Variants in ARID2 observed in about 807,000 individuals in gnomAD.
ARID2 encodes AT-rich interaction domain 2, also known as AT-rich interactive domain-containing protein 2.
A neutral mutation model predicts 184.6 loss-of-function variants in ARID2; 32 were observed. The observed-to-expected ratio is 0.17, with a 90% confidence interval of 0.13 to 0.23. The LOEUF (loss-of-function observed/expected upper bound fraction) is 0.23. Among genes scored for constraint, ARID2 ranks in the 10% least tolerant of loss-of-function variants. The pLI, the probability that ARID2 is intolerant of heterozygous loss-of-function variation, is 1.00. For synonymous variants in ARID2, 836 were observed against 772.6 expected, an observed-to-expected ratio of 1.08 and a Z score of -1.36; for missense variants, 1,696 against 2,197.6, an observed-to-expected ratio of 0.77 and a Z score of 4.56.
chr12:45,810,765 ATAT>A (rs1260703506), intron 3 of ARID2, among the ~76,000 whole-genome samples: 1 of 152,178 alleles, frequency 6.6e-6, no homozygotes, highest in African/African-American at 2.4e-5. Context: ...TCTAATTTTC[ATAT>A]TGTTTTTATA....
intron 3 of ARID2, among the ~76,000 whole-genome samples, chr12:45,761,572 T>G (rs188730854): frequency 1.2e-4 from 19 of 152,292 alleles, no homozygotes; most frequent in Non-Finnish European, 2.6e-4. Context: ...CCTGGTGGTG[T>G]TCTGAAATCT....
At chr12:45,819,943 C>T (rs1174703970) in intron 5 of ARID2, among the ~76,000 whole-genome samples, 2 of 152,060 alleles carry the variant, frequency 1.3e-5, no homozygotes, top group African/African-American at 4.8e-5. Context: ...AGGGTTTCCT[C>T]ATGTTGGCCA....
chr12:45,870,668 G>A (rs1163346001), intron 16 of ARID2, among the ~76,000 whole-genome samples: 1 of 151,840 alleles, frequency 6.6e-6, no homozygotes, highest in Non-Finnish European at 1.5e-5. Context: ...TATTTCTATA[G>A]TTTTCATTTT....
At chr12:45,819,743 T>C (rs1359114117) in intron 5 of ARID2, among the ~76,000 whole-genome samples, 1 of 151,732 alleles carries the variant, frequency 6.6e-6, no homozygotes, top group East Asian at 1.9e-4. Flanking sequence ...GTTTGTTTTT[T>C]TGGGTTTTTT....
chr12:45,801,926 A>G (rs1942510303), intron 3 of ARID2, among the ~76,000 whole-genome samples: 1 of 152,218 alleles, frequency 6.6e-6, no homozygotes, highest in Non-Finnish European at 1.5e-5. Flanking sequence ...ACTTTAAAGT[A>G]TGAATCTGTA....
At chr12:45,903,698 T>G (rs1197167183) in intron 20 of ARID2, among the ~76,000 whole-genome samples, 3 of 152,176 alleles carry the variant, frequency 2.0e-5, no homozygotes, top group Non-Finnish European at 4.4e-5. Context: ...TGATTTTGAA[T>G]TTTTGCATCT....
intron 3 of ARID2, among the ~76,000 whole-genome samples, chr12:45,747,440 A>T (rs1037466246): frequency 1.2e-4 from 18 of 151,724 alleles, no homozygotes; most frequent in Admixed American, 5.3e-4. Flanking sequence ...TACTGCTCCT[A>T]GTTTACTATC....
At chr12:45,818,451 G>T (rs925444779) in intron 5 of ARID2, among the ~76,000 whole-genome samples, 1 of 152,052 alleles carries the variant, frequency 6.6e-6, no homozygotes, top group African/African-American at 2.4e-5. Context: ...GTTTAATAAA[G>T]ATTTAGAAAT....
intron 16 of ARID2, among the ~76,000 whole-genome samples, chr12:45,891,243 G>C (rs1944297258): frequency 6.6e-6 from 1 of 151,576 alleles, no homozygotes; most frequent in African/African-American, 2.4e-5. Flanking sequence ...ATTCTTTGCT[G>C]TCTAGATTCC....
intron 3 of ARID2, among the ~76,000 whole-genome samples, chr12:45,758,691 C>T (rs1002518999): frequency 6.6e-6 from 1 of 152,154 alleles, no homozygotes; most frequent in Non-Finnish European, 1.5e-5. Flanking sequence ...TATCCTCCTC[C>T]TTAATGGTTT....
intron 3 of ARID2, among the ~76,000 whole-genome samples, chr12:45,738,446 C>T (rs1412283058): frequency 6.6e-6 from 1 of 152,070 alleles, no homozygotes; most frequent in South Asian, 2.1e-4. Flanking sequence ...TCCCAGGTAG[C>T]TGGAATTACA....
At chr12:45,824,477 A>G (rs1001223145) in intron 6 of ARID2, among the ~76,000 whole-genome samples, 10 of 152,010 alleles carry the variant, frequency 6.6e-5, no homozygotes, top group Non-Finnish European at 1.3e-4. Flanking sequence ...TGCAGGATAC[A>G]TTTCTTAAAA....
In ARID2 at chr12:45,893,678, T is replaced by C. The variant is rs1944333211; in HGVS notation, c.5320T>C (p.Leu1774=). Residue 1774 remains leucine, a synonymous_variant, in exon 20 of 21, where the codon TTA becomes CTA. Transcript: ENST00000334344. ...ITKHIRLTAA[L]ILKNIGKYSE... ...TAAACACATCCGACTAACAGCTGCC[T>C]TAATATTAAAAAATATTGGTAAATA... 5.0e-6 allele frequency: 8 copies of C among 1,605,492 alleles called. No homozygotes were observed. The highest frequency in any genetic ancestry group is 1.3e-5 in the African/African-American group (1 of 74,530).
intron 3 of ARID2, among the ~76,000 whole-genome samples, chr12:45,743,597 TTATTCTTTAATGTTTATTTTTCCATG>T (rs1941303232): frequency 6.6e-6 from 1 of 152,204 alleles, no homozygotes; most frequent in African/African-American, 2.4e-5. Context: ...TTTTACAAGG[TTATTCTTTAATGTTTATTTTTCCATG>T]TGTACTTTAG....
At chr12:45,873,454 T>C (rs759825712) in intron 16 of ARID2, among the ~76,000 whole-genome samples, 3 of 152,258 alleles carry the variant, frequency 2.0e-5, no homozygotes, top group Non-Finnish European at 1.5e-5. Context: ...CTTTTTATGT[T>C]GCCATTTTCT....
chr12:45,737,059 CAT>C (rs569886359), intron 3 of ARID2, among the ~76,000 whole-genome samples: 92 of 152,310 alleles, frequency 6.0e-4, no homozygotes, highest in African/African-American at 2.1e-3. Context: ...TGTTTTAAAA[CAT>C]AAATTTCACT....
rs752665033 is a variant in ARID2, at chr12:45,852,760, A to C, written c.4637A>C (p.Asn1546Thr). 1 of 1,614,174 alleles carries C rather than the reference A, an allele frequency of 6.2e-7. No individual in the cohort carries two copies. Among genetic ancestry groups the C allele is most frequent in the Non-Finnish European group, 8.5e-7 (1 of 1,180,004 alleles). Reference protein sequence around the residue: ...VRIVTISDPNNAGCSATMVAV... With the variant: ...VRIVTISDPNTAGCSATMVAV... ...ATTGTTACAATCAGTGACCCCAACA[A>C]TGCTGGCTGCAGCGCAACAATGGTT... Residue 1546 changes from asparagine to threonine, a missense_variant, in exon 15 of 21, where the codon AAT (asparagine) becomes ACT (threonine). By Grantham distance (65) the Asn-to-Thr change is moderately conservative. This residue lies in a region of ARID2 where 111 missense variants were observed against 154.0 expected (regional missense o/e 0.72). Coordinates refer to ENST00000334344, the MANE Select transcript of ARID2 (RefSeq NM_152641.4).
chr12:45,752,714 T>C (rs1941487406), intron 3 of ARID2, among the ~76,000 whole-genome samples: 1 of 152,228 alleles, frequency 6.6e-6, no homozygotes, highest in South Asian at 2.1e-4. Context: ...GATCTCGCTA[T>C]GTTGCCCAGG....
rs1374829894 is a variant in ARID2 at position 45,836,785 on chromosome 12, C to T, written c.817C>T (p.Pro273Ser). ...GATTTGGGAGTCTTTATTTCATCCA[C>T]CTCGAAAGCTGGGCATTAACGATAT... ...EWIWESLFHP[P>S]RKLGINDIEG... Residue 273 changes from proline (P) to serine (S), a missense_variant, in exon 8 of 21, where the codon CCT becomes TCT. Physicochemically the swap from Pro to Ser is moderately conservative, Grantham distance 74. Around this residue, in one of 11 missense-constraint regions of ARID2, gnomAD observed 148 missense variants for 285.4 expected, o/e 0.52. Transcript: ENST00000334344. The T allele has an allele frequency of 1.2e-6, 2 of 1,614,020 alleles. No individual in the cohort carries two copies. Among genetic ancestry groups the T allele is most frequent in the South Asian group, 1.1e-5 (1 of 91,060 alleles).
Sources: gnomAD v4.1 joint callset for allele counts (sites outside exome capture counted in the v4.1 genomes callset) on GRCh38, gnomAD v4.1.1 for gene constraint, gnomAD v4.1.1 regional missense constraint, MANE v1.5 for transcripts, NCBI Gene and HGNC (gene_info 2026-07-23, HGNC 2026-07-21) for gene names.